ZNF608: variants seen among roughly 807,000 people sequenced by gnomAD.
ZNF608 encodes the protein zinc finger protein 608.
ZNF608 carries 12 observed loss-of-function variants against 109.0 expected under a neutral mutation model. The ratio of observed to expected loss-of-function variants is 0.11; its 90% CI spans 0.07 to 0.18. ZNF608 has a LOEUF of 0.18. ZNF608 is among the 10% of genes least tolerant of loss of function. ZNF608 has a pLI of 1.00. For missense variants in ZNF608, 1,707 were observed against 1,879.3 expected (o/e 0.91, Z 1.70); for synonymous variants, 732 against 717.4 (o/e 1.02, Z -0.33).
At chr5:124,640,867 A>G (rs191741534) in intron 8 of ZNF608, among the ~76,000 whole-genome samples, 170 of 152,354 alleles carry the variant, frequency 1.1e-3, no homozygotes, top group African/African-American at 4.0e-3. Context: ...CTTAAAAGGC[A>G]TGCAGAAATC....
At chr5:124,657,944 A>G (rs1751084928) in intron 3 of ZNF608, among the ~76,000 whole-genome samples, 1 of 152,228 alleles carries the variant, frequency 6.6e-6, no homozygotes, top group Non-Finnish European at 1.5e-5. Flanking sequence ...TTAGGCAAAC[A>G]TACATATCCT....
chr5:124,659,154 ATTT>A (rs10709034), intron 3 of ZNF608, among the ~76,000 whole-genome samples: 1 of 148,996 alleles, frequency 6.7e-6, no homozygotes, highest in Non-Finnish European at 1.5e-5. Flanking sequence ...TAATTACAGG[ATTT>A]TTTTTTTTTT....
intron 3 of ZNF608, among the ~76,000 whole-genome samples, chr5:124,673,225 G>A (rs1751803205): frequency 6.6e-6 from 1 of 152,104 alleles, no homozygotes; most frequent in Admixed American, 6.6e-5. Flanking sequence ...TAAACTCAGT[G>A]TACTTAACTC....
chr5:124,726,057 A>C lies in ZNF608; in HGVS notation c.906+18027T>G, dbSNP rs574117232. Among the ~76,000 whole-genome samples the C allele has an allele frequency of 3.5e-4, 53 of 152,346 alleles. 1 individual carries two copies. The highest frequency in any genetic ancestry group is 1.2e-3 in the African/African-American group (49 of 41,572). ...CTTTACCCCAGAAACGATTTGTGCT[A>C]ATGTCACCAAAAATCAATTCTGAGT... On this transcript the variant is annotated intron_variant, in intron 2 of 9. Transcript: ENST00000513986.
intron 2 of ZNF608, among the ~76,000 whole-genome samples, chr5:124,719,751 C>T (rs1037955888): frequency 3.9e-5 from 6 of 152,122 alleles, no homozygotes; most frequent in Non-Finnish European, 8.8e-5. Context: ...AAGGTTTCTG[C>T]GTTTGTGTAC....
chr5:124,662,438 G>C (rs911338151), intron 3 of ZNF608, among the ~76,000 whole-genome samples: 1 of 152,348 alleles, frequency 6.6e-6, no homozygotes, highest in East Asian at 1.9e-4. Flanking sequence ...TTAGTGCTTC[G>C]CACTGGGGAC....
chr5:124,639,077 C>A, intron 9 of ZNF608, 56 bp downstream of exon 9: 1 of 1,547,762 alleles, frequency 6.5e-7, no homozygotes, highest in South Asian at 1.1e-5. Flanking sequence ...CTTGCTTCCT[C>A]CCAACCATTA....
In ZNF608 at chr5:124,744,109, C is replaced by T. The variant is rs1580729324; in HGVS notation, c.881G>A (p.Arg294Gln). The T allele has an allele frequency of 6.3e-7, 1 of 1,595,628 alleles. No individual in the cohort carries two copies. The highest frequency in any genetic ancestry group is 2.2e-5 in the East Asian group (1 of 44,600). The change falls in exon 2 of 10, where the codon CGA becomes CAA. Residue 294 changes from arginine (R) to glutamine (Q), a missense_variant. By Grantham distance (43) the Arg-to-Gln change is conservative (BLOSUM62 1). This residue lies in a region of ZNF608 where 407 missense variants were observed against 398.7 expected (regional missense o/e 1.02). Coordinates refer to ENST00000513986, the MANE Select transcript of ZNF608 (RefSeq NM_020747.3). The surrounding 1 kb of genome is among the most constrained non-coding windows in gnomAD (Gnocchi z 4.5). Reference sequence around the variant, plus strand: ...CTTCTCAGTTTTCAGTTTCTTGATTCGCCTGTGGCTCTCCTCCTCCTCCTC... The same window carrying T: ...CTTCTCAGTTTTCAGTTTCTTGATTTGCCTGTGGCTCTCCTCCTCCTCCTC... ...KEEEEEESHRRIKKLKTEKVD... is the reference protein window; with the variant it reads ...KEEEEEESHRQIKKLKTEKVD...
chr5:124,724,250 G>A (rs1259744731), intron 2 of ZNF608, among the ~76,000 whole-genome samples: 2 of 151,888 alleles, frequency 1.3e-5, no homozygotes, highest in African/African-American at 4.8e-5. Context: ...GGACTATTTC[G>A]AGGACATACA....
chr5:124,724,087 C>T (rs988371732), intron 2 of ZNF608, among the ~76,000 whole-genome samples: 3 of 152,054 alleles, frequency 2.0e-5, no homozygotes, highest in Non-Finnish European at 2.9e-5. Context: ...GGAATGCAAA[C>T]GGATGCAATC....
intron 3 of ZNF608, 96 bp from the exon 4 acceptor site, chr5:124,649,793 A>AATGAGAATAGAACTTTGCTG: frequency 3.9e-6 from 3 of 767,280 alleles, no homozygotes; most frequent in Non-Finnish European, 6.1e-6. Flanking sequence ...TTTGCCAGCA[A>AATGAGAATAGAACTTTGCTG]GTTCTATTCT....
chr5:124,640,485 G>T (rs2149780530), intron 8 of ZNF608, among the ~76,000 whole-genome samples: 1 of 152,294 alleles, frequency 6.6e-6, no homozygotes, highest in Non-Finnish European at 1.5e-5. Context: ...AAGCCAGGAA[G>T]AGAGGCCTGA....
At chr5:124,729,520 A>T (rs1030544092) in intron 2 of ZNF608, among the ~76,000 whole-genome samples, 2 of 152,184 alleles carry the variant, frequency 1.3e-5, no homozygotes, top group African/African-American at 2.4e-5. Context: ...AACATAGTAA[A>T]TCCTTAAACA....
chr5:124,684,566 GA>G (rs1469574330), intron 3 of ZNF608, among the ~76,000 whole-genome samples: 2 of 152,154 alleles, frequency 1.3e-5, no homozygotes, highest in African/African-American at 4.8e-5. Flanking sequence ...GTGGATGGGG[GA>G]TAATGTCACC....
chr5:124,712,374 T>C (rs1753532342), intron 2 of ZNF608, among the ~76,000 whole-genome samples: 2 of 152,084 alleles, frequency 1.3e-5, no homozygotes, highest in Admixed American at 1.3e-4. Context: ...TGGACAGAAT[T>C]AGATCATTCT....
rs1386254528 is a variant in ZNF608, at chr5:124,675,525, A to AT, written c.1162+25488dup. ...AACACATTCTCATAATAATGTTTCCATTTTTTATAGCAATATTGTATCCGT... is the reference window on the plus strand; with the variant it reads ...AACACATTCTCATAATAATGTTTCCATTTTTTTATAGCAATATTGTATCCGT... On this transcript the variant is annotated intron_variant, in intron 3 of 9. Coordinates refer to ENST00000513986, the MANE Select transcript of ZNF608 (RefSeq NM_020747.3). Among the ~76,000 whole-genome samples the AT allele has an allele frequency of 2.6e-5, 4 of 152,304 alleles. No individual in the cohort carries two copies. In the East Asian group the frequency reaches 7.7e-4, roughly 29 times the overall value.
intron 2 of ZNF608, among the ~76,000 whole-genome samples, chr5:124,731,522 G>C (rs1286123436): frequency 6.6e-6 from 1 of 151,730 alleles, no homozygotes; most frequent in Non-Finnish European, 1.5e-5. Context: ...ACTGACACAA[G>C]ATTTAAAAGT....
Position 124,647,591 on chromosome 5 carries a change from A to G in ZNF608, c.2793T>C (p.Ala931=), listed in dbSNP as rs1460777344. ...AATAGGCCGGGCTGCTTGTCTTTGC[A>G]GCTGAACTCTCTGCCCCATTCTGGG... The part of the protein sequence containing the change: ...VLTQNGAESS[A]AKTSSPAYSD... Residue 931 remains alanine, a synonymous_variant, in exon 5 of 10, where the codon GCT becomes GCC. Coordinates refer to ENST00000513986, the MANE Select transcript of ZNF608 (RefSeq NM_020747.3). 1 of 1,614,200 alleles carries G rather than the reference A, an allele frequency of 6.2e-7. No homozygotes were observed. Among genetic ancestry groups the G allele is most frequent in the East Asian group, 2.2e-5 (1 of 44,884 alleles).
intron 3 of ZNF608, among the ~76,000 whole-genome samples, chr5:124,652,460 GTCTA>G (rs1346028401): frequency 2.0e-5 from 3 of 152,320 alleles, no homozygotes; most frequent in East Asian, 3.9e-4. Flanking sequence ...GTGTGCTTGT[GTCTA>G]TCTTTCTTTA....
Sources: allele counts gnomAD v4.1 joint callset (sites outside exome capture counted in the v4.1 genomes callset), GRCh38; gene constraint gnomAD v4.1.1; regional missense constraint gnomAD v4.1.1; non-coding constraint Gnocchi (gnomAD v3.1); transcripts MANE v1.5; gene names NCBI Gene and HGNC (gene_info 2026-07-23, HGNC 2026-07-21).